The following ZNF473 variants were observed in gnomAD, a reference collection of about 807,000 sequenced individuals.
ZNF473 encodes the protein zinc finger protein 100 homolog.
ZNF473 carries 4 observed loss-of-function variants against 11.1 expected under a neutral mutation model. The observed-to-expected ratio is 0.36, with a 90% CI of 0.18 to 0.82. The LOEUF is 0.82. ZNF473 is among the 40% of genes least tolerant of loss of function. The probability of loss-of-function intolerance (pLI) is 0.49; values close to 1 mark genes in which losing one functional copy is unlikely to be tolerated. For synonymous variants in ZNF473, 404 were observed against 390.4 expected (o/e 1.03, Z -0.41); for missense variants, 854 against 1,084.0 (o/e 0.79, Z 2.98).
chr19:50,035,328 C>T (rs750684921), intron 2 of ZNF473, among the ~76,000 whole-genome samples: 5 of 151,926 alleles, frequency 3.3e-5, no homozygotes, highest in African/African-American at 4.8e-5. Context: ...GTCTAGTCGA[C>T]GGTAGAGTTC....
Position 50,041,749 on chromosome 19 carries a change from G to C in ZNF473, c.156G>C (p.Leu52=). ...LFLLDPPRPN[L]TSHPDGSEDL... is the part of the protein sequence containing the mutation. The stretch of plus-strand genomic sequence containing the variant: ...CTGCAGACCCCCCAAGACCCAACCT[G>C]ACCTCCCACCCAGATGGCAGTGAAG... Residue 52 remains leucine (L), a synonymous_variant, in exon 4 of 5, where the codon CTG becomes CTC. Coordinates refer to ENST00000270617, the MANE Select transcript of ZNF473 (RefSeq NM_015428.4). 1 of 1,612,462 alleles carries C rather than the reference G, an allele frequency of 6.2e-7. No homozygotes were observed. The highest frequency in any genetic ancestry group is 1.1e-5 in the South Asian group (1 of 90,926).
chr19:50,028,324 T>G (rs1600748150), intron 1 of ZNF473, among the ~76,000 whole-genome samples: 1 of 118,206 alleles, frequency 8.5e-6, no homozygotes, highest in Non-Finnish European at 1.7e-5. Context: ...ACAAATTTAA[T>G]TTTTTTTTGG....
At chr19:50,027,132 A>G (rs544992452) in intron 1 of ZNF473, among the ~76,000 whole-genome samples, 1 of 152,146 alleles carries the variant, frequency 6.6e-6, no homozygotes, top group East Asian at 1.9e-4. Flanking sequence ...AGATTTTAGA[A>G]AGCTAATAGG....
Position 50,047,002 on chromosome 19 carries a change from C to T in ZNF473, c.2559C>T (p.Cys853=), listed in dbSNP as rs373460971. 1.2e-6 allele frequency: 2 copies of T among 1,613,828 alleles called. No homozygotes were observed. Among genetic ancestry groups the T allele is most frequent in the African/African-American group, 2.7e-5 (2 of 74,902 alleles). The change falls in exon 5 of 5, where the codon TGC becomes TGT. Residue 853 remains cysteine, a synonymous_variant. Transcript: ENST00000270617. ...QCQRCQKAFR[C]HSSLSRHQRV... ...AACGTTGCCAGAAAGCCTTTCGGTGCCACTCGAGCCTCAGCCGCCATCAGC... is the reference window on the plus strand; with the variant it reads ...AACGTTGCCAGAAAGCCTTTCGGTGTCACTCGAGCCTCAGCCGCCATCAGC...
chr19:50,048,641 C>T lies in ZNF473; in HGVS notation c.*1582C>T, dbSNP rs943698465. On this transcript the variant is annotated 3_prime_UTR_variant, in exon 5 of 5. Coordinates refer to ENST00000270617, the MANE Select transcript of ZNF473 (RefSeq NM_015428.4). ...TTGCAGGGCTGTGACACAATAGGGA[C>T]TCTATGGAAAACTGGCAGCCATTGG... is the stretch of plus-strand genomic sequence containing the variant. 6.6e-6 allele frequency: 1 copy of T among 152,236 alleles called. No individual in the cohort carries two copies. The highest frequency in any genetic ancestry group is 1.5e-5 in the Non-Finnish European group (1 of 68,082). The allele number at this position is 152,236 out of a possible 1,614,324, so 9.4% of individuals were successfully genotyped here. A position where few individuals can be genotyped will look rare whatever the true frequency, so the allele number is the denominator to read the frequency against.
chr19:50,045,398 T>C lies in ZNF473; in HGVS notation c.955T>C (p.Ser319Pro), dbSNP rs771211920. The C allele has an allele frequency of 1.1e-5, 18 of 1,614,070 alleles. No homozygotes were observed. The East Asian group carries it at 4.0e-4, about 36-fold the overall frequency. ...TCAGAAAACTCACACAGATAGTAAGTCCTACAACTGTAACGAATGCGGCAA... is the reference window on the plus strand; with the variant it reads ...TCAGAAAACTCACACAGATAGTAAGCCCTACAACTGTAACGAATGCGGCAA... ...EHQKTHTDSK[S>P]YNCNECGKAF... The change falls in exon 5 of 5, where the codon TCC becomes CCC. Residue 319 changes from serine to proline, a missense_variant. This residue lies in a region of ZNF473 where 668 missense variants were observed against 790.2 expected (regional missense o/e 0.85). Coordinates refer to ENST00000270617, the MANE Select transcript of ZNF473 (RefSeq NM_015428.4).
chr19:50,035,491 T>TGTGTGTGTGTGTGTG (rs1600754167), intron 2 of ZNF473, among the ~76,000 whole-genome samples: 4 of 51,224 alleles, frequency 7.8e-5, no homozygotes, highest in African/African-American at 1.3e-4. Flanking sequence ...GTGTGTGTGT[T>TGTGTGTGTGTGTGTG]TGGCTGTTCT....
At chr19:50,028,292 C>T (rs1228086048) in intron 1 of ZNF473, among the ~76,000 whole-genome samples, 5 of 141,824 alleles carry the variant, frequency 3.5e-5, no homozygotes, top group South Asian at 2.2e-4. Flanking sequence ...AACGAGACTC[C>T]GTCTCAAAAA....
intron 2 of ZNF473, among the ~76,000 whole-genome samples, chr19:50,031,456 T>C (rs145464929): frequency 8.1e-4 from 124 of 152,344 alleles, no homozygotes; most frequent in African/African-American, 2.8e-3. Flanking sequence ...AAGTTGATTC[T>C]GTACTTTCCA....
Position 50,045,319 on chromosome 19 carries a change from T to C in ZNF473, c.876T>C (p.Cys292=). Residue 292 remains cysteine, a synonymous_variant, in exon 5 of 5, where the codon TGT becomes TGC. Transcript: ENST00000270617. ...AAACTCACACTGGAGAAAAACCATGTAAGAGTCAAGATAGTGACCACCCAC... is the reference window on the plus strand; with the variant it reads ...AAACTCACACTGGAGAAAAACCATGCAAGAGTCAAGATAGTGACCACCCAC... ...HQKTHTGEKP[C]KSQDSDHPPS... 6.2e-7 allele frequency: 1 copy of C among 1,614,046 alleles called. No individual in the cohort carries two copies.
chr19:50,046,788 G>C lies in ZNF473; in HGVS notation c.2345G>C (p.Gly782Ala). ...CLSIHRRVHT[G>A]EKPYRCGECG... ...TCTATTCACCGGAGAGTTCACACTGGGGAGAAGCCCTACAGATGTGGTGAA... is the reference window on the plus strand; with the variant it reads ...TCTATTCACCGGAGAGTTCACACTGCGGAGAAGCCCTACAGATGTGGTGAA... Residue 782 changes from glycine (G) to alanine (A), a missense_variant, in exon 5 of 5, where the codon GGG becomes GCG. Coordinates refer to ENST00000270617, the MANE Select transcript of ZNF473 (RefSeq NM_015428.4). This position sits in a 1 kb window ranked among gnomAD's most constrained non-coding sequence, Gnocchi z 5.9. The C allele has an allele frequency of 6.2e-7, 1 of 1,614,204 alleles. No individual in the cohort carries two copies. The highest frequency in any genetic ancestry group is 8.5e-7 in the Non-Finnish European group (1 of 1,180,030).
At chr19:50,036,869 AG>A (rs1978477804) in intron 2 of ZNF473, among the ~76,000 whole-genome samples, 1 of 152,196 alleles carries the variant, frequency 6.6e-6, no homozygotes, top group Non-Finnish European at 1.5e-5. Flanking sequence ...CGAGAACTAT[AG>A]GAAACAAATT....
At chr19:50,028,448 C>T (rs1335047318) in intron 1 of ZNF473, among the ~76,000 whole-genome samples, 3 of 151,974 alleles carry the variant, frequency 2.0e-5, no homozygotes, top group Admixed American at 1.3e-4. Context: ...CCCAAGCGAT[C>T]CTCCTACCTC....
chr19:50,046,751 A>C lies in ZNF473; in HGVS notation c.2308A>C (p.Ser770Arg). Reference protein sequence around the residue: ...CQECGKAFTQSSCLSIHRRVH... With the variant: ...CQECGKAFTQRSCLSIHRRVH... ...GGAATGCGGGAAAGCCTTCACCCAG[A>C]GCTCATGCCTTTCTATTCACCGGAG... is the stretch of plus-strand genomic sequence containing the variant. Residue 770 changes from serine (S) to arginine (R), a missense_variant, in exon 5 of 5, where the codon AGC (serine) becomes CGC (arginine). Around this residue, in one of 2 missense-constraint regions of ZNF473, gnomAD observed 186 missense variants for 293.8 expected, o/e 0.63. Transcript: ENST00000270617. The surrounding 1 kb of genome is among the most constrained non-coding windows in gnomAD (Gnocchi z 5.9). 6.2e-7 allele frequency: 1 copy of C among 1,614,182 alleles called. No homozygotes were observed. Among genetic ancestry groups the C allele is most frequent in the Non-Finnish European group, 8.5e-7 (1 of 1,180,024 alleles).
At chr19:50,035,016 G>GCAT (rs1407776040) in intron 2 of ZNF473, among the ~76,000 whole-genome samples, 9 of 152,192 alleles carry the variant, frequency 5.9e-5, no homozygotes, top group African/African-American at 1.9e-4. Flanking sequence ...CTTTGGCTGG[G>GCAT]CATGGTGGCT....
intron 2 of ZNF473, among the ~76,000 whole-genome samples, chr19:50,036,314 C>CTTTTTTTTTTT (rs35619461): frequency 3.7e-5 from 4 of 108,796 alleles, no homozygotes; most frequent in African/African-American, 1.6e-4. Flanking sequence ...GAGGTGGGGC[C>CTTTTTTTTTTT]TTTTTTTTTT....
In ZNF473 at chr19:50,046,510, T is replaced by C; in HGVS notation, c.2067T>C (p.Leu689=). The C allele has an allele frequency of 6.2e-7, 1 of 1,614,230 alleles. No homozygotes were observed. The highest frequency in any genetic ancestry group is 8.5e-7 in the Non-Finnish European group (1 of 1,180,044). ...CDRVFTQRNY[L]VQHERTHARK... is the part of the protein sequence containing the mutation. ...GAGTCTTCACCCAGAGAAACTACCT[T>C]GTTCAGCATGAGCGAACTCATGCCA... The change falls in exon 5 of 5, where the codon CTT becomes CTC. Residue 689 remains leucine (L), a synonymous_variant. Coordinates refer to ENST00000270617, the MANE Select transcript of ZNF473 (RefSeq NM_015428.4). This position sits in a 1 kb window ranked among gnomAD's most constrained non-coding sequence, Gnocchi z 5.9.
At chr19:50,034,960 C>G (rs986520214) in intron 2 of ZNF473, among the ~76,000 whole-genome samples, 1 of 152,090 alleles carries the variant, frequency 6.6e-6, no homozygotes, top group Admixed American at 6.6e-5. Flanking sequence ...CAAAATGGCG[C>G]TATCATTTCT....
At chr19:50,041,652 G>T in intron 3 of ZNF473, 78 bp from the exon 4 acceptor site, 1 of 1,283,970 alleles carries the variant, frequency 7.8e-7, no homozygotes, top group South Asian at 1.4e-5. Flanking sequence ...AAAGTCAGGA[G>T]AGCCAGGAGG....
Sources: allele counts gnomAD v4.1 joint callset (sites outside exome capture counted in the v4.1 genomes callset), GRCh38; gene constraint gnomAD v4.1.1; regional missense constraint gnomAD v4.1.1; non-coding constraint Gnocchi (gnomAD v3.1); transcripts MANE v1.5; gene names NCBI Gene and HGNC (gene_info 2026-07-23, HGNC 2026-07-21).